RAPGEF1: variants seen among roughly 807,000 people sequenced by gnomAD.
RAPGEF1 encodes the protein Rap guanine nucleotide exchange factor 1, also known as CRK SH3-binding GNRP.
In RAPGEF1, 33 loss-of-function variants were observed where a neutral mutation model predicts 143.3. The observed-to-expected ratio is 0.23, with a 90% CI of 0.17 to 0.31. The LOEUF (loss-of-function observed/expected upper bound fraction) is 0.31, where lower values mean the gene tolerates loss of function less well. Ranked by LOEUF, RAPGEF1 falls within the 10% of genes least tolerant of loss-of-function variation. The probability of loss-of-function intolerance (pLI) is 1.00; values close to 1 mark genes in which losing one functional copy is unlikely to be tolerated. For missense variants in RAPGEF1, 1,199 were observed against 1,645.4 expected (o/e 0.73, Z 4.69); for synonymous variants, 629 against 676.5 (o/e 0.93, Z 1.09).
At chr9:131,625,411 A>G (rs1300008638) in intron 10 of RAPGEF1, among the ~76,000 whole-genome samples, 4 of 152,348 alleles carry the variant, frequency 2.6e-5, no homozygotes, top group Admixed American at 6.5e-5. Context: ...GTCTGGTCCA[A>G]GAAGTGTGCT....
At chr9:131,709,492 T>C (rs922808975) in intron 1 of RAPGEF1, 1 of 749,094 alleles carries the variant, frequency 1.3e-6, no homozygotes, top group Non-Finnish European at 2.2e-6. Context: ...TGAAATCATG[T>C]TGGACTACCT....
Position 131,621,769 on chromosome 9 carries a change from C to G in RAPGEF1, c.1905+27G>C, listed in dbSNP as rs778995741. On this transcript the variant is annotated intron_variant, in intron 11 of 26. Coordinates refer to ENST00000683357, the MANE Select transcript of RAPGEF1 (RefSeq NM_001377935.1). The surrounding 1 kb of genome is among the most constrained non-coding windows in gnomAD (Gnocchi z 4.5). ...TAGAGACCTGCTAGGATCGGAAGTT[C>G]TAGTCACAAGGGAAGGTGTCACTCA... The G allele has an allele frequency of 1.2e-5, 19 of 1,579,232 alleles. No homozygotes were observed. Among genetic ancestry groups the G allele is most frequent in the African/African-American group, 2.7e-5 (2 of 74,276 alleles).
At chr9:131,709,204 G>A (rs1177996186) in intron 1 of RAPGEF1, among the ~76,000 whole-genome samples, 7 of 152,190 alleles carry the variant, frequency 4.6e-5, no homozygotes, top group African/African-American at 1.7e-4. Context: ...AAAATCAGCT[G>A]GGCGTGGTGG....
Position 131,577,576 on chromosome 9 carries a change from G to GC in RAPGEF1, c.*1920dup, listed in dbSNP as rs1951345953. 6.6e-6 allele frequency: 1 copy of GC among 152,380 alleles called. No individual in the cohort carries two copies. Among genetic ancestry groups the GC allele is most frequent in the South Asian group, 2.1e-4 (1 of 4,834 alleles). 9.4% of individuals were successfully genotyped at this position (152,380 alleles called of 1,614,324 possible). A position where few individuals can be genotyped will look rare whatever the true frequency, so the allele number is the denominator to read the frequency against. On this transcript the variant is annotated 3_prime_UTR_variant, in exon 27 of 27. Transcript: ENST00000683357. The stretch of plus-strand genomic sequence containing the variant: ...GAATTTCAGTTCACACAACCCAAGG[G>GC]CCCTGTGTGCAGAGCGGCCCTCACA...
At chr9:131,673,827 G>T (rs1409617586) in intron 1 of RAPGEF1, among the ~76,000 whole-genome samples, 1 of 152,152 alleles carries the variant, frequency 6.6e-6, no homozygotes, top group Non-Finnish European at 1.5e-5. Flanking sequence ...AGGTAGATGG[G>T]GCCCATCATG....
chr9:131,586,632 G>A (rs1234318044), intron 22 of RAPGEF1, among the ~76,000 whole-genome samples: 1 of 68,870 alleles, frequency 1.5e-5, no homozygotes, highest in Non-Finnish European at 2.6e-5. Context: ...ACACACACCT[G>A]CAGAGACTCC....
chr9:131,670,914 A>C (rs1398922474), intron 1 of RAPGEF1, among the ~76,000 whole-genome samples: 1 of 152,228 alleles, frequency 6.6e-6, no homozygotes, highest in Non-Finnish European at 1.5e-5. Flanking sequence ...GTCTGTGATC[A>C]GTTACAAAAC....
At chr9:131,638,546 A>T in intron 5 of RAPGEF1, 89 bp downstream of exon 5, 1 of 1,432,624 alleles carries the variant, frequency 7.0e-7, no homozygotes, top group Admixed American at 1.8e-5. Context: ...TAATGTTTGA[A>T]GGTCAGGAGC....
At chr9:131,676,571 C>T (rs1832395352) in intron 1 of RAPGEF1, among the ~76,000 whole-genome samples, 1 of 152,218 alleles carries the variant, frequency 6.6e-6, no homozygotes, top group Non-Finnish European at 1.5e-5. Flanking sequence ...AACGACACCT[C>T]CTGTCCTCTT....
intron 1 of RAPGEF1, among the ~76,000 whole-genome samples, chr9:131,708,364 C>G (rs986434427): frequency 6.6e-6 from 1 of 152,204 alleles, no homozygotes; most frequent in African/African-American, 2.4e-5. Context: ...TCTCCTGGGT[C>G]AATAACTGTG....
At chr9:131,669,637 CTCA>C (rs753044198) in intron 1 of RAPGEF1, among the ~76,000 whole-genome samples, 37 of 152,252 alleles carry the variant, frequency 2.4e-4, no homozygotes, top group Admixed American at 2.6e-4. Context: ...CTTTCTCCTC[CTCA>C]TGTTCTGACA....
chr9:131,621,858 C>T lies in RAPGEF1; in HGVS notation c.1843G>A (p.Gly615Arg). 1 of 1,612,130 alleles carries T rather than the reference C, an allele frequency of 6.2e-7. No individual in the cohort carries two copies. The highest frequency in any genetic ancestry group is 8.5e-7 in the Non-Finnish European group (1 of 1,179,144). The change falls in exon 11 of 27, where the codon GGG (glycine) becomes AGG (arginine). Residue 615 changes from glycine to arginine, a missense_variant. By Grantham distance (125) the Gly-to-Arg change is moderately radical. This residue lies in a region of RAPGEF1 where 293 missense variants were observed against 356.2 expected (regional missense o/e 0.82). Coordinates refer to ENST00000683357, the MANE Select transcript of RAPGEF1 (RefSeq NM_001377935.1). This position sits in a 1 kb window ranked among gnomAD's most constrained non-coding sequence, Gnocchi z 4.5. ...EVYGFSDSFSGVDSVQELAPP... is the reference protein window; with the variant it reads ...EVYGFSDSFSRVDSVQELAPP... Reference sequence around the variant, plus strand: ...GCCAGCTCCTGCACGGAGTCCACCCCACTGAAGGAGTCGCTGAAGCCGTAT... The same window carrying T: ...GCCAGCTCCTGCACGGAGTCCACCCTACTGAAGGAGTCGCTGAAGCCGTAT...
At chr9:131,613,840 T>C (rs1477514112) in intron 12 of RAPGEF1, among the ~76,000 whole-genome samples, 3 of 152,142 alleles carry the variant, frequency 2.0e-5, no homozygotes, top group African/African-American at 7.2e-5. Context: ...GACTGGTAGA[T>C]GCTAACCCTA....
At chr9:131,604,244 G>A (rs1208311836) in intron 13 of RAPGEF1, among the ~76,000 whole-genome samples, 191 bp from the exon 14 acceptor site, 1 of 152,240 alleles carries the variant, frequency 6.6e-6, no homozygotes, top group South Asian at 2.1e-4. Flanking sequence ...AATGGTGTCT[G>A]GGGCTAAATC....
chr9:131,580,044 G>A (rs984951995), intron 26 of RAPGEF1, among the ~76,000 whole-genome samples: 6 of 152,228 alleles, frequency 3.9e-5, no homozygotes, highest in South Asian at 2.1e-4. Context: ...GTGCTGTCAC[G>A]GGGTCCAGGC....
intron 1 of RAPGEF1, among the ~76,000 whole-genome samples, chr9:131,674,772 C>T (rs1022643600): frequency 3.3e-5 from 5 of 152,218 alleles, no homozygotes; most frequent in African/African-American, 1.2e-4. Flanking sequence ...TGGCTGCCTG[C>T]TGAGGAAAAG....
intron 12 of RAPGEF1, among the ~76,000 whole-genome samples, chr9:131,616,888 C>T (rs1165788080): frequency 6.6e-6 from 1 of 152,206 alleles, no homozygotes; most frequent in Non-Finnish European, 1.5e-5. Flanking sequence ...ATACTGGGTG[C>T]TGAATGTCCC....
intron 12 of RAPGEF1, among the ~76,000 whole-genome samples, chr9:131,615,998 G>A (rs1958940355): frequency 6.6e-6 from 1 of 152,202 alleles, no homozygotes; most frequent in South Asian, 2.1e-4. Flanking sequence ...CAGGCGCAGT[G>A]GCTCACGCCT....
intron 17 of RAPGEF1, 94 bp from the exon 18 acceptor site, chr9:131,592,277 C>G: frequency 1.0e-6 from 1 of 994,488 alleles, no homozygotes; most frequent in Non-Finnish European, 1.6e-6. Flanking sequence ...CTGAGAGAGG[C>G]AGGGGAGATG....
Sources: gnomAD v4.1 joint callset for allele counts (sites outside exome capture counted in the v4.1 genomes callset) on GRCh38, gnomAD v4.1.1 for gene constraint, gnomAD v4.1.1 regional missense constraint, Gnocchi (gnomAD v3.1) non-coding constraint, MANE v1.5 for transcripts, NCBI Gene and HGNC (gene_info 2026-07-23, HGNC 2026-07-21) for gene names.